Variants in NAALADL2 observed in about 807,000 individuals in gnomAD.
The protein encoded by NAALADL2 is inactive N-acetylated-alpha-linked acidic dipeptidase-like protein 2.
NAALADL2 carries 76 observed loss-of-function variants against 87.2 expected under a neutral mutation model. That is an observed-to-expected ratio of 0.87 (90% confidence interval 0.72 to 1.05). The LOEUF (loss-of-function observed/expected upper bound fraction) is 1.05, where lower values mean the gene tolerates loss of function less well. NAALADL2 is among the 50% of genes least tolerant of loss of function. The pLI is 0.00. For missense variants in NAALADL2, 1,089 were observed against 945.8 expected, an observed-to-expected ratio of 1.15 and a Z score of -1.99; for synonymous variants, 354 against 331.0, an observed-to-expected ratio of 1.07 and a Z score of -0.75.
intron 1 of NAALADL2, among the ~76,000 whole-genome samples, chr3:174,974,781 G>A (rs989781634): frequency 3.9e-5 from 6 of 152,050 alleles, no homozygotes; most frequent in African/African-American, 1.4e-4. Flanking sequence ...GATAGGGTGG[G>A]TGGTGGGAGA....
chr3:175,408,555 C>G (rs1312008425), intron 5 of NAALADL2, among the ~76,000 whole-genome samples: 1 of 151,978 alleles, frequency 6.6e-6, no homozygotes, highest in African/African-American at 2.4e-5. Context: ...CCAGTTTACA[C>G]TTGGAGCACC....
At chr3:175,726,004 T>A (rs1742866414) in intron 11 of NAALADL2, among the ~76,000 whole-genome samples, 1 of 152,126 alleles carries the variant, frequency 6.6e-6, no homozygotes, top group African/African-American at 2.4e-5. Flanking sequence ...AAAGTTAGTA[T>A]CTTGAAGTTT....
At chr3:174,702,812 G>A (rs1056956065) in intron 2 of NAALADL2, among the ~76,000 whole-genome samples, 2 of 152,102 alleles carry the variant, frequency 1.3e-5, no homozygotes, top group African/African-American at 4.8e-5. Context: ...CCAAAACATC[G>A]TTATGCAGTG....
chr3:175,178,175 T>G (rs913322549), intron 2 of NAALADL2, among the ~76,000 whole-genome samples: 1 of 151,986 alleles, frequency 6.6e-6, no homozygotes, highest in Non-Finnish European at 1.5e-5. Flanking sequence ...GGAGTTAATC[T>G]AGGTAAAGTA....
At chr3:175,319,870 T>A (rs1759623361) in intron 4 of NAALADL2, among the ~76,000 whole-genome samples, 1 of 152,182 alleles carries the variant, frequency 6.6e-6, no homozygotes, top group African/African-American at 2.4e-5. Context: ...TCTGTCTCAT[T>A]CATTCTCTCA....
intron 9 of NAALADL2, among the ~76,000 whole-genome samples, chr3:175,571,334 G>A (rs1269087216): frequency 2.0e-5 from 3 of 152,004 alleles, no homozygotes; most frequent in East Asian, 1.9e-4. Context: ...GTTATGAACT[G>A]GAATAAAAAT....
intron 2 of NAALADL2, among the ~76,000 whole-genome samples, chr3:174,729,911 C>T (rs1030054421): frequency 6.6e-6 from 1 of 151,984 alleles, no homozygotes; most frequent in South Asian, 2.1e-4. Flanking sequence ...TTTAGTACAT[C>T]CCACTAGTAT....
At chr3:175,685,513 G>T (rs1451063724) in intron 11 of NAALADL2, among the ~76,000 whole-genome samples, 2 of 151,436 alleles carry the variant, frequency 1.3e-5, no homozygotes, top group Non-Finnish European at 2.9e-5. Context: ...CATAGAGACA[G>T]AGGAAGTGAT....
intron 1 of NAALADL2, among the ~76,000 whole-genome samples, chr3:174,443,598 C>A (rs1714825299): frequency 1.3e-5 from 2 of 152,136 alleles, no homozygotes; most frequent in African/African-American, 4.8e-5. Context: ...TAGGACTCTT[C>A]ATCATATAGC....
chr3:174,949,035 T>C (rs536684019), intron 1 of NAALADL2, among the ~76,000 whole-genome samples: 1 of 152,282 alleles, frequency 6.6e-6, no homozygotes, highest in Non-Finnish European at 1.5e-5. Flanking sequence ...AAGGGGTCTC[T>C]CTGGTGCTTC....
At chr3:174,509,370 G>A (rs1159491063) in intron 1 of NAALADL2, among the ~76,000 whole-genome samples, 1 of 150,560 alleles carries the variant, frequency 6.6e-6, no homozygotes, top group African/African-American at 2.4e-5. Context: ...TGGAGAGAGA[G>A]AGAGAGCGAG....
At chr3:174,887,585 A>G (rs1435116441) in intron 1 of NAALADL2, among the ~76,000 whole-genome samples, 2 of 152,250 alleles carry the variant, frequency 1.3e-5, no homozygotes, top group African/African-American at 2.4e-5. Context: ...GCTTGAGCCC[A>G]GGAGTTCATG....
chr3:175,395,353 G>A (rs1769641005), intron 5 of NAALADL2, among the ~76,000 whole-genome samples: 1 of 152,098 alleles, frequency 6.6e-6, no homozygotes, highest in African/African-American at 2.4e-5. Context: ...TGAATCTGAG[G>A]AAAACTAAAC....
intron 2 of NAALADL2, among the ~76,000 whole-genome samples, chr3:175,098,138 C>A (rs1721468740): frequency 6.6e-6 from 1 of 152,110 alleles, no homozygotes; most frequent in Non-Finnish European, 1.5e-5. Context: ...GCCTCAGTGA[C>A]TGACAGGAAT....
chr3:175,259,312 G>A (rs1317476550), intron 4 of NAALADL2, among the ~76,000 whole-genome samples: 1 of 152,186 alleles, frequency 6.6e-6, no homozygotes, highest in Non-Finnish European at 1.5e-5. Flanking sequence ...GGAGGGGCAA[G>A]AAGATACGAT....
chr3:175,532,337 T>C (rs1304484070), intron 9 of NAALADL2, among the ~76,000 whole-genome samples: 5 of 150,584 alleles, frequency 3.3e-5, no homozygotes, highest in African/African-American at 1.2e-4. Flanking sequence ...AAGGCCTGAG[T>C]TGTCCTTGGG....
intron 13 of NAALADL2, among the ~76,000 whole-genome samples, chr3:175,802,329 G>GC (rs547522370): frequency 3.9e-5 from 4 of 103,884 alleles, no homozygotes; most frequent in Admixed American, 3.6e-4. Flanking sequence ...ATTTTTTTTT[G>GC]GGGGGGGACA....
intron 1 of NAALADL2, among the ~76,000 whole-genome samples, chr3:174,987,165 A>G (rs1324715598): frequency 6.6e-6 from 1 of 152,320 alleles, no homozygotes; most frequent in East Asian, 1.9e-4. Context: ...TTTAAAGGAT[A>G]TCTGTTGATT....
At chr3:175,705,168 A>C (rs1162610362) in intron 11 of NAALADL2, among the ~76,000 whole-genome samples, 2 of 152,076 alleles carry the variant, frequency 1.3e-5, no homozygotes, top group Non-Finnish European at 2.9e-5. Context: ...GAATAAGGAG[A>C]GGACCTCACA....
Sources: gnomAD v4.1 joint callset for allele counts (sites outside exome capture counted in the v4.1 genomes callset) on GRCh38, gnomAD v4.1.1 for gene constraint, MANE v1.5 for transcripts, NCBI Gene and HGNC (gene_info 2026-07-23, HGNC 2026-07-21) for gene names.